Variants in RSPH14 observed in about 807,000 individuals in gnomAD.
RSPH14 encodes the protein rhabdoid tumor deletion region gene 1.
Under a neutral mutation model 26.7 loss-of-function variants are expected in RSPH14, and 20 were observed. The observed-to-expected ratio is 0.75, with a 90% CI of 0.53 to 1.09. RSPH14 has a LOEUF of 1.09. Among genes scored for constraint, RSPH14 ranks in the 50% least tolerant of loss-of-function variants. The pLI, the probability that RSPH14 is intolerant of heterozygous loss-of-function variation, is 0.00. For synonymous variants in RSPH14, 177 were observed against 189.3 expected (o/e 0.93, Z 0.53); for missense variants, 449 against 457.2 (o/e 0.98, Z 0.16).
At chr22:23,160,801 G>A in the RSPH14 span, 1 of 1,555,432 alleles carries the variant, frequency 6.4e-7, no homozygotes. Flanking sequence ...GGGTAGGCTA[G>A]CCTGGCTTTC....
the RSPH14 span, among the ~76,000 whole-genome samples, chr22:23,170,271 G>A: frequency 6.6e-6 from 1 of 152,168 alleles, no homozygotes; most frequent in South Asian, 2.1e-4. Flanking sequence ...CCATAGTCTA[G>A]GTGGTTTTTA....
upstream of RSPH14, among the ~76,000 whole-genome samples, chr22:23,143,680 C>A (rs1195588446): frequency 2.6e-5 from 4 of 152,222 alleles, no homozygotes; most frequent in Admixed American, 2.6e-4. Context: ...AGACTTCACT[C>A]TGGTAAAGAT....
chr22:23,159,121 G>A, the RSPH14 span: 1 of 1,598,338 alleles, frequency 6.3e-7, no homozygotes. Flanking sequence ...CCTCCCTGCA[G>A]GAGAGCCGGG....
At chr22:23,174,891 C>T in the RSPH14 span, among the ~76,000 whole-genome samples, 2 of 151,342 alleles carry the variant, frequency 1.3e-5, no homozygotes, top group Non-Finnish European at 2.9e-5. Context: ...TTGCTTGAAC[C>T]GGGAAGCGGA....
chr22:23,106,404 G>A (rs750846962), intron 4 of RSPH14, among the ~76,000 whole-genome samples: 2 of 152,238 alleles, frequency 1.3e-5, no homozygotes, highest in Non-Finnish European at 2.9e-5. Context: ...GCCCAGCTGA[G>A]GCATGAGAAA....
intron 4 of RSPH14, among the ~76,000 whole-genome samples, chr22:23,079,459 G>A (rs1001909858): frequency 6.6e-6 from 1 of 152,192 alleles, no homozygotes; most frequent in South Asian, 2.1e-4. Context: ...TGGCAGGAGT[G>A]GGGGAGGGGG....
chr22:23,119,040 G>A (rs2069933277), intron 4 of RSPH14, among the ~76,000 whole-genome samples: 2 of 152,230 alleles, frequency 1.3e-5, no homozygotes, highest in Non-Finnish European at 2.9e-5. Flanking sequence ...GCCAGCAGAA[G>A]GCATGCTGGG....
rs2068247354 is a variant in RSPH14 at position 23,067,913 on chromosome 22, A to G, written c.422-3780T>C. Among the ~76,000 whole-genome samples the G allele has an allele frequency of 4.6e-5, 7 of 152,176 alleles. 1 individual carries two copies. The South Asian group carries it at 1.5e-3, about 32-fold the overall frequency. On this transcript the variant is annotated intron_variant, in intron 4 of 6. Coordinates refer to ENST00000216036, the MANE Select transcript of RSPH14 (RefSeq NM_014433.3). Reference sequence around the variant, plus strand: ...CACTCCCACTTCCTCTGGACTGACTAACTGATGTTTTTGTTATTTTATTAT... The same window carrying G: ...CACTCCCACTTCCTCTGGACTGACTGACTGATGTTTTTGTTATTTTATTAT...
At chr22:23,123,164 C>G (rs1453835098) in intron 4 of RSPH14, 4 of 1,614,014 alleles carry the variant, frequency 2.5e-6, no homozygotes, top group Non-Finnish European at 3.4e-6. Flanking sequence ...CACTCATCCT[C>G]TTCCTGAACA....
upstream of RSPH14, among the ~76,000 whole-genome samples, chr22:23,143,678 C>G (rs1266257094): frequency 6.6e-6 from 1 of 152,210 alleles, no homozygotes; most frequent in East Asian, 1.9e-4. Context: ...CTAGACTTCA[C>G]TCTGGTAAAG....
chr22:23,152,934 G>A, the RSPH14 span: 1 of 851,994 alleles, frequency 1.2e-6, no homozygotes. Flanking sequence ...CTGATGGGAA[G>A]TGGACCTTAT....
At chr22:23,072,220 A>T (rs1455811051) in intron 4 of RSPH14, among the ~76,000 whole-genome samples, 1 of 152,176 alleles carries the variant, frequency 6.6e-6, no homozygotes, top group East Asian at 1.9e-4. Context: ...GATGATGCTT[A>T]GCTAGTGACT....
At chr22:23,152,912 G>A in the RSPH14 span, 20 of 739,120 alleles carry the variant, frequency 2.7e-5, no homozygotes, top group African/African-American at 2.8e-4. Flanking sequence ...GGCCTGCGTG[G>A]ACCATCGCTT....
At chr22:23,100,011 C>T (rs1340027058) in intron 4 of RSPH14, among the ~76,000 whole-genome samples, 1 of 152,280 alleles carries the variant, frequency 6.6e-6, no homozygotes, top group African/African-American at 2.4e-5. Flanking sequence ...ATCAAATGTT[C>T]TCATGTGGAA....
At chr22:23,099,859 G>A (rs1029406911) in intron 4 of RSPH14, among the ~76,000 whole-genome samples, 2 of 152,368 alleles carry the variant, frequency 1.3e-5, no homozygotes, top group South Asian at 2.1e-4. Flanking sequence ...GTCTTCACTC[G>A]GCCCCACTGG....
At chr22:23,083,896 T>C (rs141871695) in intron 4 of RSPH14, among the ~76,000 whole-genome samples, 57 of 152,228 alleles carry the variant, frequency 3.7e-4, no homozygotes, top group African/African-American at 1.3e-3. Context: ...TAGTCAGGGG[T>C]CCTCATCAGA....
the RSPH14 span, among the ~76,000 whole-genome samples, chr22:23,166,413 G>A: frequency 3.3e-5 from 5 of 152,026 alleles, no homozygotes; most frequent in South Asian, 1.0e-3. Flanking sequence ...ATGAAGGGCT[G>A]TGTCCCAATG....
chr22:23,066,322 C>A (rs1661114687), intron 4 of RSPH14, among the ~76,000 whole-genome samples: 1 of 152,096 alleles, frequency 6.6e-6, no homozygotes, highest in South Asian at 2.1e-4. Context: ...GAGTTGAGGT[C>A]AGAAAAGTCA....
chr22:23,074,966 G>A (rs1336148368), intron 4 of RSPH14, among the ~76,000 whole-genome samples: 1 of 152,214 alleles, frequency 6.6e-6, no homozygotes, highest in Non-Finnish European at 1.5e-5. Context: ...TCAGGAGTTT[G>A]AGACCAGCCT....
Sources: gnomAD v4.1 joint callset for allele counts (sites outside exome capture counted in the v4.1 genomes callset) on GRCh38, gnomAD v4.1.1 for gene constraint, MANE v1.5 for transcripts, NCBI Gene and HGNC (gene_info 2026-07-23, HGNC 2026-07-21) for gene names.